Variants in BCKDHB observed in about 807,000 individuals in gnomAD.
BCKDHB encodes branched chain keto acid dehydrogenase E1 subunit beta.
A neutral mutation model predicts 48.5 loss-of-function variants in BCKDHB; 41 were observed. The ratio of observed to expected loss-of-function variants is 0.85; its 90% CI spans 0.66 to 1.10. The LOEUF (loss-of-function observed/expected upper bound fraction) is 1.10, where lower values mean the gene tolerates loss of function less well. Ranked by LOEUF, BCKDHB falls within the 50% of genes least tolerant of loss-of-function variation. BCKDHB has a pLI of 0.00. For synonymous variants in BCKDHB, 201 were observed against 174.8 expected, an observed-to-expected ratio of 1.15 and a Z score of -1.18; for missense variants, 496 against 494.2, an observed-to-expected ratio of 1.00 and a Z score of -0.03.
chr6:80,303,268 C>T (rs1274803792), intron 9 of BCKDHB, among the ~76,000 whole-genome samples: 1 of 151,966 alleles, frequency 6.6e-6, no homozygotes, highest in Non-Finnish European at 1.5e-5. Flanking sequence ...CCACTGGCAT[C>T]GAGGTGGAGC....
At chr6:80,428,877 T>C in the BCKDHB span, among the ~76,000 whole-genome samples, 3 of 152,210 alleles carry the variant, frequency 2.0e-5, no homozygotes, top group African/African-American at 7.2e-5. Flanking sequence ...TTAGTTCAAT[T>C]AGATCCCATT....
At chr6:80,429,378 A>T in the BCKDHB span, among the ~76,000 whole-genome samples, 1 of 152,160 alleles carries the variant, frequency 6.6e-6, no homozygotes, top group East Asian at 1.9e-4. Flanking sequence ...TTCCATATGA[A>T]ATTTATAATA....
intron 8 of BCKDHB, among the ~76,000 whole-genome samples, chr6:80,222,640 C>T (rs185865379): frequency 6.6e-6 from 1 of 152,072 alleles, no homozygotes; most frequent in Non-Finnish European, 1.5e-5. Context: ...TCTTAGTGTT[C>T]CCGTGGCATT....
intron 6 of BCKDHB, among the ~76,000 whole-genome samples, chr6:80,185,019 C>G (rs977581618): frequency 3.3e-5 from 5 of 152,206 alleles, no homozygotes; most frequent in African/African-American, 1.2e-4. Flanking sequence ...CTATTATCCC[C>G]TCTAATAAGT....
rs368906961 is a variant in BCKDHB at position 80,114,482 on chromosome 6, C to A, written c.196+7593C>A. 5.9e-5 allele frequency among the ~76,000 whole-genome samples: 9 copies of A among 151,996 alleles called. No individual in the cohort carries two copies. In the East Asian group the frequency reaches 1.7e-3, roughly 30 times the overall value. ...CAGGCTGGTTTTGAACTCCTGGGCTCAAGCAGTCCTCTTGCTTTGGCCTCC... is the reference window on the plus strand; with the variant it reads ...CAGGCTGGTTTTGAACTCCTGGGCTAAAGCAGTCCTCTTGCTTTGGCCTCC... On this transcript the variant is annotated intron_variant, in intron 1 of 9. Coordinates refer to ENST00000320393, the MANE Select transcript of BCKDHB (RefSeq NM_183050.4).
At chr6:80,460,629 C>G in the BCKDHB span, among the ~76,000 whole-genome samples, 3 of 152,076 alleles carry the variant, frequency 2.0e-5, no homozygotes, top group Non-Finnish European at 2.9e-5. Flanking sequence ...TTGGAGCTCC[C>G]TGACTTAGTG....
intron 8 of BCKDHB, among the ~76,000 whole-genome samples, chr6:80,225,975 T>A (rs1184588115): frequency 6.6e-6 from 1 of 152,236 alleles, no homozygotes; most frequent in East Asian, 1.9e-4. Flanking sequence ...TATTTACCAA[T>A]GACATTTTTG....
intron 6 of BCKDHB, among the ~76,000 whole-genome samples, chr6:80,181,642 C>T (rs771908087): frequency 1.3e-4 from 20 of 152,160 alleles, no homozygotes; most frequent in Admixed American, 8.5e-4. Flanking sequence ...CCCTTTATCA[C>T]CCTGCGGGCT....
chr6:80,118,307 C>T (rs922095851), intron 1 of BCKDHB, among the ~76,000 whole-genome samples: 19 of 152,144 alleles, frequency 1.2e-4, no homozygotes, highest in African/African-American at 4.3e-4. Context: ...TTACATTGTA[C>T]TGTAGTCTAG....
chr6:80,321,308 CAT>C (rs1491315178), intron 9 of BCKDHB, among the ~76,000 whole-genome samples: 1 of 152,170 alleles, frequency 6.6e-6, no homozygotes, highest in African/African-American at 2.4e-5. Flanking sequence ...AACAGAATAT[CAT>C]ATGTCTCCTG....
At chr6:80,449,181 C>G in the BCKDHB span, among the ~76,000 whole-genome samples, 1 of 152,158 alleles carries the variant, frequency 6.6e-6, no homozygotes, top group East Asian at 1.9e-4. Context: ...GATTCCTCCT[C>G]TCTTTCTTTT....
chr6:80,183,684 C>T (rs1178254426), intron 6 of BCKDHB, among the ~76,000 whole-genome samples: 3 of 152,076 alleles, frequency 2.0e-5, no homozygotes, highest in African/African-American at 7.2e-5. Context: ...ATGTATCTAC[C>T]ACTATAATAT....
chr6:80,186,862 T>A (rs1403864414), intron 6 of BCKDHB, among the ~76,000 whole-genome samples: 2 of 152,242 alleles, frequency 1.3e-5, no homozygotes, highest in Non-Finnish European at 2.9e-5. Context: ...GAGATTAAAT[T>A]CTTCTCCTGT....
At chr6:80,397,262 A>G in the BCKDHB span, among the ~76,000 whole-genome samples, 1 of 152,082 alleles carries the variant, frequency 6.6e-6, no homozygotes, top group Non-Finnish European at 1.5e-5. Flanking sequence ...GGAGGCTTTT[A>G]TAGTTTCTCT....
intron 8 of BCKDHB, among the ~76,000 whole-genome samples, chr6:80,214,148 A>G (rs1775065946): frequency 6.6e-6 from 1 of 152,162 alleles, no homozygotes; most frequent in Non-Finnish European, 1.5e-5. Context: ...GGTCTTCAGC[A>G]AAAAAGGAAA....
At chr6:80,206,508 G>T (rs935838223) in intron 8 of BCKDHB, among the ~76,000 whole-genome samples, 3 of 151,586 alleles carry the variant, frequency 2.0e-5, no homozygotes, top group African/African-American at 7.3e-5. Flanking sequence ...AGGAACAAAA[G>T]AGGTAAGAGG....
At chr6:80,321,609 T>C (rs554623271) in intron 9 of BCKDHB, among the ~76,000 whole-genome samples, 1 of 152,326 alleles carries the variant, frequency 6.6e-6, no homozygotes, top group East Asian at 1.9e-4. Flanking sequence ...AACTTATTTT[T>C]CGTGAATCCA....
the BCKDHB span, among the ~76,000 whole-genome samples, chr6:80,376,482 G>C: frequency 6.6e-5 from 10 of 152,338 alleles, no homozygotes; most frequent in African/African-American, 2.4e-4. Context: ...TTCCTCAGCT[G>C]TCCCATGGAA....
chr6:80,243,085 C>T (rs1776455549), intron 8 of BCKDHB, among the ~76,000 whole-genome samples: 2 of 152,114 alleles, frequency 1.3e-5, no homozygotes, highest in Admixed American at 6.6e-5. Flanking sequence ...ACTAACTGGA[C>T]AGTATGGCCA....
Sources: allele counts gnomAD v4.1 joint callset (sites outside exome capture counted in the v4.1 genomes callset), GRCh38; gene constraint gnomAD v4.1.1; transcripts MANE v1.5; gene names NCBI Gene and HGNC (gene_info 2026-07-23, HGNC 2026-07-21).